USP28: variants seen among roughly 807,000 people sequenced by gnomAD.
USP28 encodes the protein ubiquitin specific peptidase 28, also known as ubiquitin carboxyl-terminal hydrolase 28.
Under a neutral mutation model 145.0 loss-of-function variants are expected in USP28, and 113 were observed. The observed-to-expected ratio is 0.78, with a 90% CI of 0.67 to 0.91. USP28 has a LOEUF of 0.91. Ranked by LOEUF, USP28 falls within the 40% of genes least tolerant of loss-of-function variation. The pLI, the probability that USP28 is intolerant of heterozygous loss-of-function variation, is 0.00. For synonymous variants in USP28, 447 were observed against 450.9 expected, an observed-to-expected ratio of 0.99 and a Z score of 0.11; for missense variants, 1,201 against 1,289.6, an observed-to-expected ratio of 0.93 and a Z score of 1.05.
At chr11:113,858,517 T>C (rs1332036000) in intron 1 of USP28, among the ~76,000 whole-genome samples, 1 of 152,182 alleles carries the variant, frequency 6.6e-6, no homozygotes, top group African/African-American at 2.4e-5. Context: ...CCCTTTCTCA[T>C]CTCCCATGTT....
chr11:113,826,600 C>T (rs943696421), intron 11 of USP28, among the ~76,000 whole-genome samples: 15 of 151,770 alleles, frequency 9.9e-5, no homozygotes, highest in Non-Finnish European at 2.2e-4. Flanking sequence ...AGCCACCATG[C>T]CTGGTCTCAA....
At chr11:113,835,377 T>G (rs1258246398) in intron 5 of USP28, 1 of 454,854 alleles carries the variant, frequency 2.2e-6, no homozygotes, top group Admixed American at 2.4e-5. Flanking sequence ...ATAAAACAGC[T>G]TCTTGGTATT....
chr11:113,801,864 G>A (rs946939771), intron 23 of USP28, among the ~76,000 whole-genome samples, 186 bp from the exon 25 acceptor site: 4 of 152,166 alleles, frequency 2.6e-5, no homozygotes, highest in Non-Finnish European at 5.9e-5. Context: ...AGATGACCGG[G>A]ACACTGGGAT....
At chr11:113,817,936 G>A (rs1941996205) in intron 12 of USP28, 99 bp from the exon 13 acceptor site, 5 of 1,279,774 alleles carry the variant, frequency 3.9e-6, no homozygotes, top group Non-Finnish European at 5.5e-6. Flanking sequence ...TCAATGGAAA[G>A]GCTTATTCCT....
intron 1 of USP28, among the ~76,000 whole-genome samples, chr11:113,872,907 T>C (rs1948974236): frequency 6.6e-6 from 1 of 152,212 alleles, no homozygotes; most frequent in South Asian, 2.1e-4. Flanking sequence ...GTGTCTACTC[T>C]CAGATTCGAG....
At chr11:113,836,923 T>C (rs1944628416) in intron 5 of USP28, among the ~76,000 whole-genome samples, 1 of 152,144 alleles carries the variant, frequency 6.6e-6, no homozygotes, top group Admixed American at 6.5e-5. Flanking sequence ...ACCAAGCCCA[T>C]TCCCACCATG....
At chr11:113,844,383 G>T (rs1273530057) in intron 3 of USP28, among the ~76,000 whole-genome samples, 2 of 151,968 alleles carry the variant, frequency 1.3e-5, no homozygotes, top group African/African-American at 4.8e-5. Context: ...GGCAGAGGTT[G>T]CAGTGAGCCG....
At position 113,829,728 on chromosome 11, in the gene USP28, G is replaced by T. The variant is rs566633059; in HGVS notation, c.911-383C>A. Among the ~76,000 whole-genome samples, 8 of 150,744 alleles carry T rather than the reference G, an allele frequency of 5.3e-5. No homozygotes were observed. In the South Asian group the frequency reaches 8.4e-4, roughly 16 times the overall value. On this transcript the variant is annotated intron_variant, in intron 9 of 24. Coordinates refer to ENST00000003302, the Ensembl canonical transcript of USP28. ...AAGTCCTGGCTACTCAGGAGGATAA[G>T]GTAGGAGGATTTCTTGAGCCCAGAA...
At chr11:113,816,264 C>T (rs1288309479) in intron 13 of USP28, among the ~76,000 whole-genome samples, 2 of 152,092 alleles carry the variant, frequency 1.3e-5, no homozygotes, top group African/African-American at 2.4e-5. Flanking sequence ...CGCCTGTAAT[C>T]CCAGCACTTT....
chr11:113,875,010 G>A, intron 1 of USP28: 2 of 738,104 alleles, frequency 2.7e-6, no homozygotes, highest in Non-Finnish European at 3.3e-6. Context: ...CGGACTTTAA[G>A]TGAGATAACT....
At chr11:113,828,817 A>G (rs1162005151) in intron 10 of USP28, 4 of 438,272 alleles carry the variant, frequency 9.1e-6, no homozygotes, top group Non-Finnish European at 1.3e-5. Context: ...AAATACTATA[A>G]TAGGGAAAAT....
chr11:113,813,668 A>C, intron 15 of USP28: 1 of 511,084 alleles, frequency 2.0e-6, no homozygotes, highest in Non-Finnish European at 3.4e-6. Flanking sequence ...ATGTGGCAGA[A>C]TTCAAACAAG....
intron 13 of USP28, among the ~76,000 whole-genome samples, chr11:113,816,824 A>G (rs1305541831): frequency 6.6e-6 from 1 of 152,220 alleles, no homozygotes; most frequent in Non-Finnish European, 1.5e-5. Flanking sequence ...TAAAAAATTT[A>G]AGTAGAATAT....
chr11:113,854,408 T>G lies in USP28; in HGVS notation c.58-73A>C, dbSNP rs185807858. ...AACCTGGGTACATTTAAAGAATAAC[T>G]AAAAGCATCTTGGATAAACAGGCCT... On this transcript the variant is annotated intron_variant, in intron 1 of 24. Coordinates refer to ENST00000003302, the Ensembl canonical transcript of USP28. 3.6e-4 allele frequency: 512 copies of G among 1,430,096 alleles called. 1 individual carries two copies. In the African/African-American group the frequency reaches 6.1e-3, roughly 17 times the overall value. 88.6% of individuals were successfully genotyped at this position (1,430,096 alleles called of 1,614,324 possible). A position where few individuals can be genotyped will look rare whatever the true frequency, so the allele number is the denominator to read the frequency against.
intron 12 of USP28, chr11:113,821,395 TGG>T (rs1370175230): frequency 4.4e-6 from 1 of 228,628 alleles, no homozygotes. Context: ...TGGCAACTTC[TGG>T]GATGCTCCAA....
chr11:113,817,868 C>T, intron 12 of USP28, 31 bp from the exon 13 acceptor site: 1 of 1,603,338 alleles, frequency 6.2e-7, no homozygotes, highest in Non-Finnish European at 8.5e-7. Flanking sequence ...TACTCTACTG[C>T]CCAAGGCTGT....
At chr11:113,852,738 G>C in intron 2 of USP28, 105 bp from the exon 3 acceptor site, 1 of 1,293,732 alleles carries the variant, frequency 7.7e-7, no homozygotes, top group Non-Finnish European at 1.1e-6. Context: ...GTACTTTCAG[G>C]CATAATTCTA....
chr11:113,815,505 A>G lies in USP28; in HGVS notation c.1464-123T>C, dbSNP rs947218439. On this transcript the variant is annotated intron_variant, in intron 13 of 24. Transcript: ENST00000003302. The stretch of plus-strand genomic sequence containing the variant: ...CAGGTATTCAGTGAGCATTAACTCT[A>G]TAAAGGTACAGAGCCAACCTTTTTC... 14 of 886,952 alleles carry G rather than the reference A, an allele frequency of 1.6e-5. No homozygotes were observed. The African/African-American group carries it at 1.9e-4, about 12-fold the overall frequency. The allele number at this position is 886,952 out of a possible 1,614,324, so 54.9% of individuals were successfully genotyped here.
At chr11:113,821,226 C>T in intron 12 of USP28, 1 of 223,348 alleles carries the variant, frequency 4.5e-6, no homozygotes, top group Admixed American at 4.4e-5. Context: ...GACACCACTC[C>T]ACCTGGTCTG....
Sources: allele counts gnomAD v4.1 joint callset (sites outside exome capture counted in the v4.1 genomes callset), GRCh38; gene constraint gnomAD v4.1.1; transcripts MANE v1.5; gene names NCBI Gene and HGNC (gene_info 2026-07-23, HGNC 2026-07-21).